Variants in POLR2F observed in about 807,000 individuals in gnomAD.
POLR2F encodes the protein DNA-directed RNA polymerases I, II, and III subunit RPABC2.
A neutral mutation model predicts 22.7 loss-of-function variants in POLR2F; 12 were observed. The ratio of observed to expected loss-of-function variants is 0.53; its 90% CI spans 0.34 to 0.86. The LOEUF (loss-of-function observed/expected upper bound fraction) is 0.86, where lower values mean the gene tolerates loss of function less well. Among genes scored for constraint, POLR2F ranks in the 40% least tolerant of loss-of-function variants. POLR2F has a pLI of 0.02. For missense variants in POLR2F, 126 were observed against 171.5 expected (o/e 0.73, Z 1.48); for synonymous variants, 57 against 66.0 (o/e 0.86, Z 0.66).
At chr22:37,992,976 GC>G (rs1351039174) in intron 1 of POLR2F, among the ~76,000 whole-genome samples, 1 of 152,190 alleles carries the variant, frequency 6.6e-6, no homozygotes, top group East Asian at 1.9e-4. Flanking sequence ...GGGTGAGTGT[GC>G]CCCTTGTCTT....
At chr22:37,958,652 G>C (rs749895952) in intron 2 of POLR2F, among the ~76,000 whole-genome samples, 1 of 152,080 alleles carries the variant, frequency 6.6e-6, no homozygotes, top group South Asian at 2.1e-4. Context: ...GACAGCTCCT[G>C]CTCATCCTTC....
exon 2 of POLR2F, chr22:38,026,084 A>G (rs767048937): frequency 9.4e-6 from 5 of 533,904 alleles, no homozygotes; most frequent in Non-Finnish European, 7.7e-6. Context: ...TTGGTGGAGG[A>G]CTCCCCTCAG....
Position 37,998,451 on chromosome 22 carries a change from C to G in POLR2F, c.120+12139C>G, listed in dbSNP as rs182356620. ...GGCCTCACACTTACATCTGGACAGG[C>G]CTTCTGACTTCCAGGGCCTGGTGAG... is the stretch of plus-strand genomic sequence containing the variant. On this transcript the variant is annotated intron_variant, in intron 1 of 2. Coordinates refer to the POLR2F transcript ENST00000333418. Among the ~76,000 whole-genome samples, 642 of 152,324 alleles carry G rather than the reference C, an allele frequency of 4.2e-3. 3 individuals carry two copies. Among genetic ancestry groups the G allele is most frequent in the South Asian group, 0.018 (88 of 4,826 alleles).
At position 37,986,702 on chromosome 22, in the gene POLR2F, C is replaced by A; in HGVS notation, c.120+390C>A. On this transcript the variant is annotated intron_variant, in intron 1 of 2. Coordinates refer to the POLR2F transcript ENST00000333418. This position sits in a 1 kb window ranked among gnomAD's most constrained non-coding sequence, Gnocchi z 4.7. The stretch of plus-strand genomic sequence containing the variant: ...GTGTTGGGTGAGGCAGGTGGGCCTG[C>A]AGGGCGGGTGGGAAGGGCTGTCAGA... 1 of 516,524 alleles carries A rather than the reference C, an allele frequency of 1.9e-6. No individual in the cohort carries two copies. Among genetic ancestry groups the A allele is most frequent in the Non-Finnish European group, 3.7e-6 (1 of 267,296 alleles). The allele number at this position is 516,524 out of a possible 1,614,324, so 32.0% of individuals were successfully genotyped here. A position where few individuals can be genotyped will look rare whatever the true frequency, so the allele number is the denominator to read the frequency against.
rs183489647 is a variant in POLR2F at position 37,968,692 on chromosome 22, G to A, written c.*977G>A. ...TATATTGACATGAACAGGGATAGAG[G>A]GTAAACTGGCTCCCTGAATATGCCA... On this transcript the variant is annotated 3_prime_UTR_variant, in exon 5 of 5. Transcript: ENST00000442738. The A allele has an allele frequency of 1.1e-5, 11 of 985,386 alleles. No individual in the cohort carries two copies. In the East Asian group the frequency reaches 9.1e-4, roughly 81 times the overall value. 61.0% of individuals were successfully genotyped at this position (985,386 alleles called of 1,614,324 possible). A position where few individuals can be genotyped will look rare whatever the true frequency, so the allele number is the denominator to read the frequency against.
downstream of POLR2F, among the ~76,000 whole-genome samples, chr22:37,972,055 G>A (rs1302687140): frequency 6.9e-6 from 1 of 145,500 alleles, no homozygotes; most frequent in East Asian, 2.1e-4. Flanking sequence ...AGAGGAGAGT[G>A]GGAGGGGGGA....
chr22:37,998,440 A>G (rs1214212116), intron 1 of POLR2F, among the ~76,000 whole-genome samples: 5 of 152,112 alleles, frequency 3.3e-5, no homozygotes, highest in Non-Finnish European at 7.4e-5. Flanking sequence ...TCACACTTAC[A>G]TCTGGACAGG....
chr22:38,027,459 C>T (rs571929800), downstream of POLR2F, among the ~76,000 whole-genome samples: 14 of 152,190 alleles, frequency 9.2e-5, no homozygotes, highest in African/African-American at 2.6e-4. Context: ...TGGTGGCTTC[C>T]GCAGCATGTC....
At chr22:37,975,555 A>G (rs1304214954) in intron 4 of POLR2F, among the ~76,000 whole-genome samples, 1 of 152,146 alleles carries the variant, frequency 6.6e-6, no homozygotes, top group Non-Finnish European at 1.5e-5. Flanking sequence ...TGGCATCCCA[A>G]TGGAGACAGA....
At chr22:38,004,802 G>A (rs112965923) in intron 1 of POLR2F, among the ~76,000 whole-genome samples, 3,211 of 152,238 alleles carry the variant, frequency 0.021, 60 homozygotes, top group Non-Finnish European at 0.035. Context: ...AAATTAGCCT[G>A]GTGTTGTGGC....
downstream of POLR2F, among the ~76,000 whole-genome samples, chr22:38,029,938 G>A (rs914514492): frequency 3.3e-5 from 5 of 152,230 alleles, no homozygotes; most frequent in Non-Finnish European, 7.3e-5. Context: ...ATTTCAAGAG[G>A]CAGAGTTAGG....
downstream of POLR2F, chr22:37,972,327 A>G: frequency 1.0e-6 from 1 of 952,652 alleles, no homozygotes; most frequent in Non-Finnish European, 1.5e-6. Flanking sequence ...GGAACCTTTA[A>G]TTTTATTATG....
intron 1 of POLR2F, among the ~76,000 whole-genome samples, chr22:37,998,152 G>T (rs540902139): frequency 1.3e-5 from 2 of 152,082 alleles, no homozygotes; most frequent in African/African-American, 4.8e-5. Flanking sequence ...TTTCCTTCCC[G>T]CCTCTGGTCG....
Position 37,989,089 on chromosome 22 carries a change from G to A in POLR2F, c.120+2777G>A, listed in dbSNP as rs150398740. Among the ~76,000 whole-genome samples the A allele has an allele frequency of 1.7e-4, 26 of 152,264 alleles. No homozygotes were observed. The East Asian group carries it at 4.4e-3, about 26-fold the overall frequency. On this transcript the variant is annotated intron_variant, in intron 1 of 2. Transcript: ENST00000333418. The stretch of plus-strand genomic sequence containing the variant: ...GCCACCTCCACCTTTGGATAAGGCT[G>A]TGTCATCCTCAGTCTCGGATGTAGT...
chr22:37,978,113 G>A lies in POLR2F; in HGVS notation c.293+10943G>A, dbSNP rs1463736052. 3 of 1,580,280 alleles carry A rather than the reference G, an allele frequency of 1.9e-6. No individual in the cohort carries two copies. Among genetic ancestry groups the A allele is most frequent in the Non-Finnish European group, 1.7e-6 (2 of 1,162,056 alleles). ...CGCTCAGCCTCCTCGATGAAGGGGC[G>A]CTTGTCACTTTCGTTCAGCAGCCTG... is the stretch of plus-strand genomic sequence containing the variant. On this transcript the variant is annotated intron_variant, in intron 4 of 4. Coordinates refer to the POLR2F transcript ENST00000405557. The surrounding 1 kb of genome is among the most constrained non-coding windows in gnomAD (Gnocchi z 5.0).
upstream of POLR2F, chr22:37,983,794 G>T: frequency 7.0e-7 from 1 of 1,419,990 alleles, no homozygotes; most frequent in Non-Finnish European, 9.2e-7. The surrounding 1 kb of genome is among the most constrained non-coding windows in gnomAD (Gnocchi z 9.5). Flanking sequence ...TGTCGCCCCC[G>T]GCCGCCGCCG....
At chr22:37,981,498 G>A (rs1236974601), upstream of POLR2F, among the ~76,000 whole-genome samples, 1 of 152,208 alleles carries the variant, frequency 6.6e-6, no homozygotes, top group Non-Finnish European at 1.5e-5. Flanking sequence ...CCTGAAGGGA[G>A]TCCAAGCCCA....
intron 1 of POLR2F, among the ~76,000 whole-genome samples, chr22:38,002,149 C>CTT (rs976494162): frequency 7.1e-6 from 1 of 141,056 alleles, no homozygotes; most frequent in Admixed American, 7.2e-5. Flanking sequence ...CACACCTGGC[C>CTT]TTTTTTTTTT....
At chr22:37,990,749 C>A (rs1164646818) in intron 1 of POLR2F, among the ~76,000 whole-genome samples, 1 of 152,272 alleles carries the variant, frequency 6.6e-6, no homozygotes, top group East Asian at 1.9e-4. Context: ...CAACCTTCTT[C>A]CCTCTCTGGG....
Sources: allele counts gnomAD v4.1 joint callset (sites outside exome capture counted in the v4.1 genomes callset), GRCh38; gene constraint gnomAD v4.1.1; non-coding constraint Gnocchi (gnomAD v3.1); transcripts MANE v1.5; gene names NCBI Gene and HGNC (gene_info 2026-07-23, HGNC 2026-07-21).